NUP43: variants seen among roughly 807,000 people sequenced by gnomAD.
NUP43 encodes nucleoporin Nup43.
NUP43 carries 32 observed loss-of-function variants against 47.3 expected under a neutral mutation model. That is an observed-to-expected ratio of 0.68 (90% confidence interval 0.51 to 0.91). The LOEUF (loss-of-function observed/expected upper bound fraction) is 0.91. Among genes scored for constraint, NUP43 ranks in the 40% least tolerant of loss-of-function variants. The probability of loss-of-function intolerance (pLI) is 0.00; values close to 1 mark genes in which losing one functional copy is unlikely to be tolerated. For synonymous variants in NUP43, 147 were observed against 158.4 expected, an observed-to-expected ratio of 0.93 and a Z score of 0.54; for missense variants, 444 against 453.9, an observed-to-expected ratio of 0.98 and a Z score of 0.20.
intron 7 of NUP43, chr6:149,729,652 G>T: frequency 4.8e-6 from 2 of 412,616 alleles, no homozygotes; most frequent in Non-Finnish European, 6.5e-6. Context: ...TGTTTTCCCA[G>T]CCCTTCTAAC....
At chr6:149,731,883 T>C (rs966195871) in intron 6 of NUP43, 148 bp from the exon 7 acceptor site, 9 of 772,080 alleles carry the variant, frequency 1.2e-5, no homozygotes, top group Non-Finnish European at 1.8e-5. Context: ...GGCTTCAGAA[T>C]TAAAGAAAAG....
chr6:149,733,865 C>T (rs757620608), intron 6 of NUP43, among the ~76,000 whole-genome samples: 30 of 151,894 alleles, frequency 2.0e-4, no homozygotes, highest in Non-Finnish European at 3.8e-4. Context: ...ACTCTTGTTG[C>T]CCAGGCTGGA....
intron 7 of NUP43, chr6:149,731,304 A>G (rs1396572789): frequency 2.4e-5 from 5 of 205,586 alleles, no homozygotes; most frequent in Admixed American, 5.5e-5. Flanking sequence ...TCACTCCTGT[A>G]ATCTCAGCAC....
chr6:149,746,480 C>T lies in NUP43; in HGVS notation c.16G>A (p.Ala6Thr), dbSNP rs377414657. MEEIY[A>T]KFVSQKISKT... ...CTGATTTTCTGGGACACAAACTTCGCATAAATTTCCTCCATGCCGAAAGCG... is the reference window on the plus strand; with the variant it reads ...CTGATTTTCTGGGACACAAACTTCGTATAAATTTCCTCCATGCCGAAAGCG... Residue 6 changes from alanine to threonine, a missense_variant, in exon 1 of 8, where the codon GCG becomes ACG. Ala to Thr is a moderately conservative substitution (Grantham distance 58). Coordinates refer to ENST00000340413, the MANE Select transcript of NUP43 (RefSeq NM_198887.3). 4.3e-5 allele frequency: 70 copies of T among 1,613,742 alleles called. No homozygotes were observed. The highest frequency in any genetic ancestry group is 1.5e-4 in the Admixed American group (9 of 59,990).
Position 149,746,008 on chromosome 6 carries a change from CATCA to C in NUP43, c.171_174del (p.Asp58GlufsTer19). 6.2e-7 allele frequency: 1 copy of C among 1,613,500 alleles called. No individual in the cohort carries two copies. The highest frequency in any genetic ancestry group is 8.5e-7 in the Non-Finnish European group (1 of 1,179,506). ...AACTGATGGTCTCCTTCAAACCCTCCATCAGAGTCCAAGTTTCCAAAATCTCCAA... is the reference window on the plus strand; with the variant it reads ...AACTGATGGTCTCCTTCAAACCCTCCGAGTCCAAGTTTCCAAAATCTCCAA... On this transcript the variant is annotated frameshift_variant, in exon 2 of 8. Coordinates refer to ENST00000340413, the MANE Select transcript of NUP43 (RefSeq NM_198887.3). LOFTEE classifies it high-confidence loss of function.
chr6:149,732,303 T>C (rs1041245695), intron 6 of NUP43, among the ~76,000 whole-genome samples: 3 of 151,894 alleles, frequency 2.0e-5, no homozygotes, highest in Non-Finnish European at 4.4e-5. Flanking sequence ...CCTAACACTT[T>C]GGGAGGCCAA....
At chr6:149,746,594 G>C (rs780355934), upstream of NUP43, 1 of 1,610,414 alleles carries the variant, frequency 6.2e-7, no homozygotes, top group Non-Finnish European at 8.5e-7. Context: ...GGGACTTTAG[G>C]ACGGAGACGG....
At chr6:149,727,808 T>A (rs910072880) in intron 7 of NUP43, 9 of 984,182 alleles carry the variant, frequency 9.1e-6, no homozygotes, top group Admixed American at 6.2e-5. Flanking sequence ...GTACTTACTA[T>A]AGAATAAAGT....
intron 2 of NUP43, among the ~76,000 whole-genome samples, chr6:149,744,025 G>C (rs965912089): frequency 6.6e-6 from 1 of 152,158 alleles, no homozygotes; most frequent in Non-Finnish European, 1.5e-5. Flanking sequence ...TGTAATCCCA[G>C]CATTTTGGGA....
rs184737467 is a variant in NUP43, at chr6:149,728,116, T to C, written c.914-918A>G. The stretch of plus-strand genomic sequence containing the variant: ...TCTTTCCTTGAACCCTCAGCACTTG[T>C]ATGTACCATTAATTTACTACTTTAT... On this transcript the variant is annotated intron_variant, in intron 7 of 7. Coordinates refer to ENST00000340413, the MANE Select transcript of NUP43 (RefSeq NM_198887.3). 202 of 985,424 alleles carry C rather than the reference T, an allele frequency of 2.0e-4. No individual in the cohort carries two copies. In the African/African-American group the frequency reaches 3.4e-3, roughly 17 times the overall value. The allele number at this position is 985,424 out of a possible 1,614,324, so 61.0% of individuals were successfully genotyped here. A position where few individuals can be genotyped will look rare whatever the true frequency, so the allele number is the denominator to read the frequency against.
intron 6 of NUP43, among the ~76,000 whole-genome samples, chr6:149,736,250 C>G (rs944230905): frequency 1.1e-4 from 17 of 152,104 alleles, no homozygotes; most frequent in African/African-American, 4.1e-4. Context: ...GCACTCCAGC[C>G]TGGGCAACAA....
intron 5 of NUP43, among the ~76,000 whole-genome samples, 187 bp downstream of exon 5, chr6:149,738,455 CA>C (rs1785477717): frequency 6.6e-6 from 1 of 152,152 alleles, no homozygotes; most frequent in South Asian, 2.1e-4. Flanking sequence ...ATCACTATAA[CA>C]AATAATTACT....
rs751288977 is a variant in NUP43, at chr6:149,724,943, G to C, written c.*2026C>G. 3 of 152,024 alleles carry C rather than the reference G, an allele frequency of 2.0e-5. No individual in the cohort carries two copies. The highest frequency in any genetic ancestry group is 7.2e-5 in the African/African-American group (3 of 41,392). The allele number at this position is 152,024 out of a possible 1,614,324, so 9.4% of individuals were successfully genotyped here. ...ATAATTTGTTGGGAATACCATAGAA[G>C]GGATGATGAAATTTAGGCTGGAGAT... On this transcript the variant is annotated 3_prime_UTR_variant, in exon 8 of 8. Transcript: ENST00000340413.
chr6:149,740,177 G>A (rs1194679623), intron 4 of NUP43, among the ~76,000 whole-genome samples: 2 of 151,102 alleles, frequency 1.3e-5, no homozygotes, highest in African/African-American at 4.9e-5. Flanking sequence ...CTGGAAGGCT[G>A]AGGTGGGAGG....
rs368494398 is a variant in NUP43 at position 149,745,931 on chromosome 6, C to T, written c.243+9G>A. On this transcript the variant is annotated intron_variant, in intron 2 of 7. Coordinates refer to ENST00000340413, the MANE Select transcript of NUP43 (RefSeq NM_198887.3). ...TCAAAGTTAGCTTTTGGATGCTACACAGATTTACCTGTAAATCCATTACAT... is the reference window on the plus strand; with the variant it reads ...TCAAAGTTAGCTTTTGGATGCTACATAGATTTACCTGTAAATCCATTACAT... The T allele has an allele frequency of 3.3e-5, 53 of 1,602,348 alleles. No homozygotes were observed. In the African/African-American group the frequency reaches 6.2e-4, roughly 19 times the overall value.
intron 6 of NUP43, among the ~76,000 whole-genome samples, chr6:149,734,799 A>G (rs1358185926): frequency 6.7e-6 from 1 of 148,234 alleles, no homozygotes; most frequent in Non-Finnish European, 1.5e-5. Context: ...CTCTGTCTCA[A>G]AAAAAAAAAA....
chr6:149,745,401 G>GAAA (rs748770682), intron 2 of NUP43, among the ~76,000 whole-genome samples: 3 of 118,296 alleles, frequency 2.5e-5, no homozygotes, highest in South Asian at 2.7e-4. Context: ...CTCCATCTTG[G>GAAA]AAAAAAAAAA....
chr6:149,728,069 CA>C (rs1784871599), intron 7 of NUP43: 2 of 985,400 alleles, frequency 2.0e-6, no homozygotes. Context: ...ACTTTGAAGA[CA>C]ACCTCTACTT....
chr6:149,745,060 G>A (rs889066963), intron 2 of NUP43, among the ~76,000 whole-genome samples: 5 of 150,990 alleles, frequency 3.3e-5, no homozygotes, highest in African/African-American at 9.7e-5. Context: ...ACCAGGGCTA[G>A]GTAGCTTTCT....
Sources: allele counts gnomAD v4.1 joint callset (sites outside exome capture counted in the v4.1 genomes callset), GRCh38; gene constraint gnomAD v4.1.1; transcripts MANE v1.5; gene names NCBI Gene and HGNC (gene_info 2026-07-23, HGNC 2026-07-21).